STAMBPL1: variants seen among roughly 807,000 people sequenced by gnomAD.
STAMBPL1 encodes the protein STAM binding protein like 1, also known as AMSH-like protease.
A neutral mutation model predicts 52.9 loss-of-function variants in STAMBPL1; 44 were observed. The ratio of observed to expected loss-of-function variants is 0.83; its 90% CI spans 0.65 to 1.07. The LOEUF (loss-of-function observed/expected upper bound fraction) is 1.07. Among genes scored for constraint, STAMBPL1 ranks in the 50% least tolerant of loss-of-function variants. STAMBPL1 has a pLI of 0.00. For synonymous variants in STAMBPL1, 164 were observed against 177.3 expected (o/e 0.92, Z 0.60); for missense variants, 511 against 520.8 (o/e 0.98, Z 0.18).
At chr10:88,901,941 A>G (rs2304803) in intron 2 of STAMBPL1, among the ~76,000 whole-genome samples, 36,972 of 152,194 alleles carry the variant, frequency 0.24, 5,407 homozygotes, top group East Asian at 0.45. Context: ...ATTTTCCACA[A>G]AAGTCTAAAA....
chr10:88,898,822 C>T (rs561544178), intron 1 of STAMBPL1, among the ~76,000 whole-genome samples: 1 of 152,326 alleles, frequency 6.6e-6, no homozygotes, highest in Non-Finnish European at 1.5e-5. Flanking sequence ...CTGCCTCCTA[C>T]AGGAGGATAA....
At chr10:88,900,415 A>G (rs779108927) in intron 1 of STAMBPL1, among the ~76,000 whole-genome samples, 10 of 152,228 alleles carry the variant, frequency 6.6e-5, no homozygotes, top group Non-Finnish European at 1.3e-4. Flanking sequence ...CATAAAAAGG[A>G]TGGGAATTAC....
rs866562793 is a variant in STAMBPL1 at position 88,894,771 on chromosome 10, G to A, written c.-53-6885G>A. Among the ~76,000 whole-genome samples, 6 of 152,018 alleles carry A rather than the reference G, an allele frequency of 3.9e-5. 1 individual carries two copies. In the South Asian group the frequency reaches 1.2e-3, roughly 31 times the overall value. On this transcript the variant is annotated intron_variant, in intron 1 of 10. Coordinates refer to ENST00000371926, the MANE Select transcript of STAMBPL1 (RefSeq NM_020799.4). ...GTTAATGTTGAATTATGAAGAAAGG[G>A]TTAATGTTTCTATTTTAAGTTAAGG...
chr10:88,916,784 T>G lies in STAMBPL1; in HGVS notation c.1008T>G (p.Asp336Glu). 6.2e-7 allele frequency: 1 copy of G among 1,609,484 alleles called. No homozygotes were observed. Among genetic ancestry groups the G allele is most frequent in the East Asian group, 2.2e-5 (1 of 44,568 alleles). The change falls in exon 8 of 11, where the codon GAT becomes GAG. Residue 336 changes from aspartate to glutamate, a missense_variant. Physicochemically the swap from Asp to Glu is conservative, Grantham distance 45 (BLOSUM62 2). Transcript: ENST00000371926. ...TAGAGGAATTATTCAATGTTCAGGA[T>G]CAACATGATCTCCTCACTCTAGGAT... ...ENVEELFNVQ[D>E]QHDLLTLGWI...
At chr10:88,897,857 T>A (rs954476790) in intron 1 of STAMBPL1, among the ~76,000 whole-genome samples, 1 of 152,230 alleles carries the variant, frequency 6.6e-6, no homozygotes, top group Non-Finnish European at 1.5e-5. Flanking sequence ...TGCATGATAC[T>A]GAATACTTCC....
intron 7 of STAMBPL1, among the ~76,000 whole-genome samples, chr10:88,915,955 A>G (rs1377010711): frequency 1.3e-5 from 2 of 152,156 alleles, no homozygotes; most frequent in African/African-American, 4.8e-5. Flanking sequence ...GGTCCTCTGG[A>G]TGGGAGAAAG....
chr10:88,917,149 G>T (rs1234054576), intron 8 of STAMBPL1, among the ~76,000 whole-genome samples: 1 of 152,126 alleles, frequency 6.6e-6, no homozygotes, highest in Non-Finnish European at 1.5e-5. Context: ...GGAAATCAGT[G>T]ATTTGTTTTA....
chr10:88,886,513 G>C (rs539827895), intron 1 of STAMBPL1, among the ~76,000 whole-genome samples: 1 of 152,114 alleles, frequency 6.6e-6, no homozygotes, highest in South Asian at 2.1e-4. Context: ...TTGAGATTTA[G>C]TGAATTTGGC....
chr10:88,913,000 C>G, intron 5 of STAMBPL1, 101 bp from the exon 6 acceptor site: 1 of 991,122 alleles, frequency 1.0e-6, no homozygotes, highest in Non-Finnish European at 1.5e-6. Flanking sequence ...ATCACAGTAT[C>G]TAGCATTTTC....
rs1589362435 is a variant in STAMBPL1, at chr10:88,899,761, C to T, written c.-53-1895C>T. On this transcript the variant is annotated intron_variant, in intron 1 of 10. Coordinates refer to ENST00000371926, the MANE Select transcript of STAMBPL1 (RefSeq NM_020799.4). ...CTGACCTCAGGTGATCCGCCTGCCT[C>T]GGCCTCCCAAAGTGCTGGGATTACA... Among the ~76,000 whole-genome samples the T allele has an allele frequency of 2.0e-5, 3 of 152,138 alleles. No individual in the cohort carries two copies. The South Asian group carries it at 6.2e-4, about 32-fold the overall frequency.
At chr10:88,920,719 C>T (rs1845488271) in intron 8 of STAMBPL1, among the ~76,000 whole-genome samples, 1 of 152,098 alleles carries the variant, frequency 6.6e-6, no homozygotes, top group Admixed American at 6.5e-5. Flanking sequence ...GTCCCAAATA[C>T]CTTCAACAAC....
At chr10:88,898,046 A>G (rs1714445644) in intron 1 of STAMBPL1, among the ~76,000 whole-genome samples, 1 of 152,086 alleles carries the variant, frequency 6.6e-6, no homozygotes, top group African/African-American at 2.4e-5. Context: ...GATTAGATTG[A>G]GGTAGCATAG....
At chr10:88,912,933 C>A in intron 5 of STAMBPL1, 168 bp from the exon 6 acceptor site, 1 of 669,326 alleles carries the variant, frequency 1.5e-6, no homozygotes, top group Non-Finnish European at 2.6e-6. Flanking sequence ...GATCAAGGGG[C>A]TTTTGCCCTG....
At chr10:88,917,901 C>T (rs1240073547) in intron 8 of STAMBPL1, among the ~76,000 whole-genome samples, 7 of 152,140 alleles carry the variant, frequency 4.6e-5, no homozygotes, top group African/African-American at 1.7e-4. Context: ...GCAGCCTTCA[C>T]TACACACCCA....
At chr10:88,913,836 A>C (rs565150779) in intron 6 of STAMBPL1, among the ~76,000 whole-genome samples, 1 of 152,248 alleles carries the variant, frequency 6.6e-6, no homozygotes, top group East Asian at 1.9e-4. Context: ...GTTTATCTAG[A>C]CCTTTGCTCA....
chr10:88,921,437 C>G, intron 9 of STAMBPL1, 42 bp downstream of exon 9: 1 of 1,528,946 alleles, frequency 6.5e-7, no homozygotes, highest in South Asian at 1.1e-5. Flanking sequence ...AGGCTTTGTC[C>G]AGGGCTGCTG....
intron 1 of STAMBPL1, among the ~76,000 whole-genome samples, chr10:88,881,850 G>GTAGC (rs1844413679): frequency 6.6e-6 from 1 of 152,226 alleles, no homozygotes. Context: ...TGGGCATTGT[G>GTAGC]TAGCTACACT....
chr10:88,914,684 AT>A, intron 7 of STAMBPL1, 26 bp downstream of exon 7: 2 of 1,001,450 alleles, frequency 2.0e-6, no homozygotes, highest in Non-Finnish European at 2.6e-6. Context: ...ATAAATATAT[AT>A]ATATATATAT....
In STAMBPL1 at chr10:88,923,295, A is replaced by T; in HGVS notation, c.*71A>T. ...GACATGTGGTTGCCGGATTTTCTTA[A>T]GATGTTTCCAGAAATGACTGATATT... is the stretch of plus-strand genomic sequence containing the variant. On this transcript the variant is annotated 3_prime_UTR_variant, in exon 11 of 11. Transcript: ENST00000371926. 1 of 1,515,890 alleles carries T rather than the reference A, an allele frequency of 6.6e-7. No individual in the cohort carries two copies. The highest frequency in any genetic ancestry group is 8.8e-7 in the Non-Finnish European group (1 of 1,137,356). The allele number at this position is 1,515,890 out of a possible 1,614,324, so 93.9% of individuals were successfully genotyped here.
Sources: allele counts gnomAD v4.1 joint callset (sites outside exome capture counted in the v4.1 genomes callset), GRCh38; gene constraint gnomAD v4.1.1; transcripts MANE v1.5; gene names NCBI Gene and HGNC (gene_info 2026-07-23, HGNC 2026-07-21).